MIOS: variants seen among roughly 807,000 people sequenced by gnomAD.
MIOS encodes the protein meiosis regulator for oocyte development, also known as GATOR2 complex protein MIOS.
A neutral mutation model predicts 96.9 loss-of-function variants in MIOS; 52 were observed. That is an observed-to-expected ratio of 0.54 (90% confidence interval 0.43 to 0.68). The LOEUF (loss-of-function observed/expected upper bound fraction) is 0.68, where lower values mean the gene tolerates loss of function less well. Among genes scored for constraint, MIOS ranks in the 30% least tolerant of loss-of-function variants. MIOS has a pLI of 0.00. For missense variants in MIOS, 1,005 were observed against 1,052.8 expected, an observed-to-expected ratio of 0.95 and a Z score of 0.63; for synonymous variants, 397 against 359.5, an observed-to-expected ratio of 1.10 and a Z score of -1.18.
intron 5 of MIOS, among the ~76,000 whole-genome samples, chr7:7,582,167 A>G (rs1033085113): frequency 1.3e-5 from 2 of 152,214 alleles, no homozygotes; most frequent in East Asian, 3.8e-4. Flanking sequence ...ATATAAATAT[A>G]TAATTACTGT....
chr7:7,597,511 T>TAA (rs1784248301), intron 11 of MIOS, among the ~76,000 whole-genome samples: 2 of 42,064 alleles, frequency 4.8e-5, no homozygotes, highest in South Asian at 8.0e-4. Flanking sequence ...TATATATATA[T>TAA]ATATATGAAG....
chr7:7,578,283 C>T (rs909818577), intron 5 of MIOS, among the ~76,000 whole-genome samples: 4 of 152,188 alleles, frequency 2.6e-5, no homozygotes, highest in African/African-American at 9.7e-5. Context: ...AGCAAGTTCA[C>T]AGTGTTATTA....
At chr7:7,586,791 A>C (rs1208141555) in intron 7 of MIOS, among the ~76,000 whole-genome samples, 3 of 152,172 alleles carry the variant, frequency 2.0e-5, no homozygotes, top group African/African-American at 7.2e-5. Context: ...AACTGTAATT[A>C]ATCTTTTTTG....
At chr7:7,603,452 C>T (rs1371344934) in intron 11 of MIOS, among the ~76,000 whole-genome samples, 3 of 152,100 alleles carry the variant, frequency 2.0e-5, no homozygotes, top group African/African-American at 4.8e-5. Flanking sequence ...CCAAAAAACA[C>T]GTGAAAAAAT....
intron 10 of MIOS, among the ~76,000 whole-genome samples, chr7:7,595,877 G>A (rs541634918): frequency 3.3e-5 from 5 of 152,202 alleles, no homozygotes; most frequent in East Asian, 3.9e-4. Flanking sequence ...TAGGAACAGC[G>A]TTTTCTTTAT....
chr7:7,585,725 C>T lies in MIOS; in HGVS notation c.1738C>T (p.Arg580Ter), dbSNP rs1340383103. ...SLWREMCSTL[R>*]LQLNNPYLCV... is the part of the protein sequence containing the mutation. ...TTGGAGAGAAATGTGTAGCACACTG[C>T]GATTACAGCTAAATAACCCGTATTT... Residue 580 changes from arginine (R) to a stop codon, truncating the protein, a stop_gained, in exon 7 of 13, where the codon CGA becomes TGA. Coordinates refer to ENST00000340080, the MANE Select transcript of MIOS (RefSeq NM_019005.4). LOFTEE classifies it high-confidence loss of function. 4.3e-6 allele frequency: 7 copies of T among 1,612,200 alleles called. No homozygotes were observed. Among genetic ancestry groups the T allele is most frequent in the Admixed American group, 1.7e-5 (1 of 59,762 alleles).
chr7:7,574,629 C>T (rs1783467820), intron 5 of MIOS, among the ~76,000 whole-genome samples: 1 of 152,002 alleles, frequency 6.6e-6, no homozygotes, highest in African/African-American at 2.4e-5. Flanking sequence ...CATCTAACAG[C>T]AAGGAGTATG....
chr7:7,573,878 G>C lies in MIOS; in HGVS notation c.1294+109G>C, dbSNP rs748093711. 17 of 1,104,316 alleles carry C rather than the reference G, an allele frequency of 1.5e-5. No individual in the cohort carries two copies. The highest frequency in any genetic ancestry group is 2.4e-5 in the Admixed American group (1 of 42,292). The allele number at this position is 1,104,316 out of a possible 1,614,324, so 68.4% of individuals were successfully genotyped here. On this transcript the variant is annotated intron_variant, in intron 4 of 12. Transcript: ENST00000340080. This position sits in a 1 kb window ranked among gnomAD's most constrained non-coding sequence, Gnocchi z 5.0. ...CTCAATGTTTTATATACAAATACAA[G>C]TTACATAATACTAACATTATAAAGT...
intron 5 of MIOS, chr7:7,581,582 T>C (rs1014834997): frequency 6.6e-6 from 1 of 152,050 alleles, no homozygotes; most frequent in Non-Finnish European, 1.5e-5. Flanking sequence ...GAGGTTGGAG[T>C]GCTCTTCCAA....
At chr7:7,604,894 ATATTT>A (rs138411596) in intron 11 of MIOS, among the ~76,000 whole-genome samples, 3,503 of 152,272 alleles carry the variant, frequency 0.023, 120 homozygotes, top group African/African-American at 0.08. Context: ...TATCAGATCT[ATATTT>A]TATTTATCTC....
intron 9 of MIOS, among the ~76,000 whole-genome samples, chr7:7,594,546 C>T (rs1426151895): frequency 1.3e-5 from 2 of 152,126 alleles, no homozygotes; most frequent in African/African-American, 2.4e-5. Flanking sequence ...CCGCCTACCT[C>T]GGCCTTCCAA....
chr7:7,571,824 C>T (rs566596680), intron 3 of MIOS, among the ~76,000 whole-genome samples: 11 of 152,274 alleles, frequency 7.2e-5, no homozygotes, highest in Middle Eastern at 3.4e-3. Flanking sequence ...TTGAAGAAAC[C>T]GCTGTCTTAG....
chr7:7,581,211 G>T (rs544997067), intron 5 of MIOS, among the ~76,000 whole-genome samples: 1 of 148,314 alleles, frequency 6.7e-6, no homozygotes, highest in African/African-American at 2.5e-5. Flanking sequence ...TGAGGCAGGA[G>T]AATCGCTTGA....
intron 5 of MIOS, among the ~76,000 whole-genome samples, chr7:7,579,724 C>T (rs576597929): frequency 3.3e-4 from 50 of 152,246 alleles, no homozygotes; most frequent in South Asian, 1.4e-3. Context: ...TGTGTTGGGC[C>T]GCATTCAGAG....
chr7:7,599,332 A>G (rs960497113), intron 11 of MIOS, among the ~76,000 whole-genome samples: 4 of 152,206 alleles, frequency 2.6e-5, no homozygotes, highest in African/African-American at 9.6e-5. Flanking sequence ...CAAGGTGTAC[A>G]TATTTGCTAC....
intron 8 of MIOS, among the ~76,000 whole-genome samples, chr7:7,588,875 T>G (rs1783966946): frequency 6.6e-6 from 1 of 152,140 alleles, no homozygotes; most frequent in South Asian, 2.1e-4. Flanking sequence ...TAAACAATGC[T>G]AAATGCCTAT....
intron 11 of MIOS, 42 bp from the exon 12 acceptor site, chr7:7,605,896 AAAAT>A (rs751813898): frequency 7.2e-6 from 11 of 1,533,196 alleles, no homozygotes; most frequent in Non-Finnish European, 8.9e-6. Flanking sequence ...AACTTTAAAT[AAAAT>A]ATTATGATAT....
At position 7,574,129 on chromosome 7, in the gene MIOS, G is replaced by T; in HGVS notation, c.1326G>T (p.Gln442His). Reference sequence around the variant, plus strand: ...AGCAATACACAGAAGATATGGATCAGAAATCTCCAGGCAACAAAGGATCAT... The same window carrying T: ...AGCAATACACAGAAGATATGGATCATAAATCTCCAGGCAACAAAGGATCAT... ...FMKQYTEDMD[Q>H]KSPGNKGSLV... is the part of the protein sequence containing the mutation. The change falls in exon 5 of 13, where the codon CAG becomes CAT. Residue 442 changes from glutamine (Q) to histidine (H), a missense_variant. Gln to His is a conservative substitution (Grantham distance 24). Coordinates refer to ENST00000340080, the MANE Select transcript of MIOS (RefSeq NM_019005.4). 1 of 1,610,976 alleles carries T rather than the reference G, an allele frequency of 6.2e-7. No homozygotes were observed. Among genetic ancestry groups the T allele is most frequent in the South Asian group, 1.1e-5 (1 of 90,766 alleles).
chr7:7,576,893 CAAA>C (rs1783551405), intron 5 of MIOS, among the ~76,000 whole-genome samples: 1 of 152,026 alleles, frequency 6.6e-6, no homozygotes, highest in Non-Finnish European at 1.5e-5. Context: ...ATGGAAAAGT[CAAA>C]GGTAGCACAC....
Sources: allele counts gnomAD v4.1 joint callset (sites outside exome capture counted in the v4.1 genomes callset), GRCh38; gene constraint gnomAD v4.1.1; non-coding constraint Gnocchi (gnomAD v3.1); transcripts MANE v1.5; gene names NCBI Gene and HGNC (gene_info 2026-07-23, HGNC 2026-07-21).